Variants in RBFOX1 observed in about 807,000 individuals in gnomAD.
The protein encoded by RBFOX1 is RNA binding fox-1 homolog 1.
RBFOX1 carries 8 observed loss-of-function variants against 57.7 expected under a neutral mutation model. The ratio of observed to expected loss-of-function variants is 0.14; its 90% CI spans 0.08 to 0.25. RBFOX1 has a LOEUF of 0.25. Ranked by LOEUF, RBFOX1 falls within the 10% of genes least tolerant of loss-of-function variation. The pLI, the probability that RBFOX1 is intolerant of heterozygous loss-of-function variation, is 1.00. For missense variants in RBFOX1, 611 were observed against 548.5 expected, an observed-to-expected ratio of 1.11 and a Z score of -1.14; for synonymous variants, 326 against 222.4, an observed-to-expected ratio of 1.47 and a Z score of -4.15.
intron 3 of RBFOX1, among the ~76,000 whole-genome samples, chr16:6,978,854 C>T (rs540441459): frequency 6.6e-6 from 1 of 152,294 alleles, no homozygotes; most frequent in South Asian, 2.1e-4. Flanking sequence ...TCGCGCAGAG[C>T]TGCTTCATTG....
intron 2 of RBFOX1, among the ~76,000 whole-genome samples, chr16:6,600,538 A>G (rs2097841044): frequency 6.6e-6 from 1 of 152,188 alleles, no homozygotes; most frequent in Non-Finnish European, 1.5e-5. Context: ...CCAGAGACGA[A>G]CGCTGTGGTG....
chr16:6,032,306 C>A (rs1220925408), intron 1 of RBFOX1, among the ~76,000 whole-genome samples: 1 of 152,044 alleles, frequency 6.6e-6, no homozygotes, highest in Non-Finnish European at 1.5e-5. Flanking sequence ...GGTGGAATTG[C>A]CACTTAAAAA....
chr16:6,266,574 C>G (rs1446892715), intron 1 of RBFOX1, among the ~76,000 whole-genome samples: 1 of 151,972 alleles, frequency 6.6e-6, no homozygotes, highest in Non-Finnish European at 1.5e-5. Flanking sequence ...ATCAGTCAGT[C>G]ATGGTGGCAC....
chr16:7,219,699 C>T (rs113077835), intron 4 of RBFOX1, among the ~76,000 whole-genome samples: 1 of 152,100 alleles, frequency 6.6e-6, no homozygotes. Context: ...TCTGAGTACA[C>T]CCTGGAAACA....
intron 4 of RBFOX1, among the ~76,000 whole-genome samples, chr16:7,140,760 T>A (rs191721394): frequency 9.2e-5 from 14 of 152,294 alleles, no homozygotes; most frequent in South Asian, 8.3e-4. Context: ...GAAATATTTA[T>A]GGGGAAGGTA....
chr16:7,514,669 C>G (rs557385443), intron 4 of RBFOX1, among the ~76,000 whole-genome samples: 1 of 152,172 alleles, frequency 6.6e-6, no homozygotes, highest in African/African-American at 2.4e-5. Context: ...GTAGGTGAGG[C>G]TTTCCAAGCT....
chr16:7,668,560 C>T (rs543552922), intron 13 of RBFOX1, among the ~76,000 whole-genome samples: 1 of 152,160 alleles, frequency 6.6e-6, no homozygotes, highest in East Asian at 1.9e-4. Context: ...GGTGCAGGCA[C>T]AGTGTGGTTG....
intron 3 of RBFOX1, among the ~76,000 whole-genome samples, chr16:5,651,790 C>G (rs1264841236): frequency 2.0e-5 from 3 of 152,056 alleles, no homozygotes; most frequent in Non-Finnish European, 2.9e-5. Flanking sequence ...ATATTGTTGT[C>G]CAATCATAAG....
intron 3 of RBFOX1, among the ~76,000 whole-genome samples, chr16:6,885,743 G>C (rs1018980140): frequency 2.0e-5 from 3 of 152,094 alleles, no homozygotes; most frequent in Non-Finnish European, 4.4e-5. Context: ...GGTTGGACAG[G>C]CTGGTCTCGA....
At chr16:5,939,625 A>G (rs1291042155) in intron 4 of RBFOX1, among the ~76,000 whole-genome samples, 7 of 152,176 alleles carry the variant, frequency 4.6e-5, no homozygotes, top group Non-Finnish European at 1.0e-4. Flanking sequence ...ACCCACTGTC[A>G]CTTTTTCCAT....
chr16:7,451,377 A>G lies in RBFOX1; in HGVS notation c.28-66770A>G, dbSNP rs187335809. On this transcript the variant is annotated intron_variant, in intron 4 of 15. Coordinates refer to ENST00000550418, the MANE Select transcript of RBFOX1 (RefSeq NM_018723.4). ...ATTGAGATAGTTTTGGAAATTTCGG[A>G]GCAGTGAAATCCAAGTATTTCAACC... Among the ~76,000 whole-genome samples, 5 of 152,320 alleles carry G rather than the reference A, an allele frequency of 3.3e-5. No individual in the cohort carries two copies. The East Asian group carries it at 9.7e-4, about 29-fold the overall frequency.
At chr16:7,228,065 C>G (rs539866181) in intron 4 of RBFOX1, among the ~76,000 whole-genome samples, 2 of 152,250 alleles carry the variant, frequency 1.3e-5, no homozygotes, top group Admixed American at 1.3e-4. Context: ...CTGATACTGC[C>G]TGATATCCTC....
intron 4 of RBFOX1, among the ~76,000 whole-genome samples, chr16:7,125,903 C>G (rs745763837): frequency 2.6e-5 from 4 of 151,994 alleles, no homozygotes; most frequent in African/African-American, 4.8e-5. Context: ...GCCAACATGG[C>G]AAAACTCCAT....
At chr16:5,733,664 C>G (rs1441646968) in intron 3 of RBFOX1, among the ~76,000 whole-genome samples, 2 of 152,020 alleles carry the variant, frequency 1.3e-5, no homozygotes, top group African/African-American at 4.8e-5. Flanking sequence ...TCCCAAACAC[C>G]CTTGTGTCCT....
chr16:5,366,599 A>C, intron 1 of RBFOX1: 1 of 392,650 alleles, frequency 2.5e-6, no homozygotes, highest in Non-Finnish European at 4.9e-6. Context: ...CCCAGAGAGG[A>C]AGCAAAGTTC....
intron 1 of RBFOX1, among the ~76,000 whole-genome samples, chr16:6,252,608 G>GTGTTTTGTTTTGTTTTGTTT (rs56211071): frequency 6.0e-5 from 9 of 150,218 alleles, no homozygotes; most frequent in African/African-American, 2.2e-4. Flanking sequence ...CCATGCCAAG[G>GTGTTTTGTTTTGTTTTGTTT]TGTTTTGTTT....
intron 4 of RBFOX1, among the ~76,000 whole-genome samples, chr16:7,246,353 C>T (rs1003967824): frequency 2.0e-5 from 3 of 152,294 alleles, no homozygotes; most frequent in Admixed American, 1.3e-4. Flanking sequence ...TGGCATCCCC[C>T]ACAGCAAAGC....
At chr16:5,606,512 T>C (rs2047586106) in intron 3 of RBFOX1, among the ~76,000 whole-genome samples, 1 of 151,886 alleles carries the variant, frequency 6.6e-6, no homozygotes, top group Non-Finnish European at 1.5e-5. Context: ...TCACTTCTCA[T>C]CTCTTCCTCA....
At chr16:6,582,113 T>C (rs1269745956) in intron 2 of RBFOX1, among the ~76,000 whole-genome samples, 2 of 152,130 alleles carry the variant, frequency 1.3e-5, no homozygotes, top group East Asian at 1.9e-4. Context: ...GCAATAGCAT[T>C]GAGGCTGAGA....
Sources: gnomAD v4.1 joint callset for allele counts (sites outside exome capture counted in the v4.1 genomes callset) on GRCh38, gnomAD v4.1.1 for gene constraint, MANE v1.5 for transcripts, NCBI Gene and HGNC (gene_info 2026-07-23, HGNC 2026-07-21) for gene names.